Variants in NTRK3 observed in about 807,000 individuals in gnomAD.
NTRK3 encodes neurotrophic receptor tyrosine kinase 3, also known as NT-3 growth factor receptor.
In NTRK3, 24 loss-of-function variants were observed where a neutral mutation model predicts 91.7. The ratio of observed to expected loss-of-function variants is 0.26; its 90% CI spans 0.19 to 0.37. The LOEUF (loss-of-function observed/expected upper bound fraction) is 0.37, where lower values mean the gene tolerates loss of function less well. Among genes scored for constraint, NTRK3 ranks in the 10% least tolerant of loss-of-function variants. The pLI is 1.00. For synonymous variants in NTRK3, 483 were observed against 404.0 expected, an observed-to-expected ratio of 1.20 and a Z score of -2.34; for missense variants, 880 against 1,068.9, an observed-to-expected ratio of 0.82 and a Z score of 2.46.
chr15:88,122,838 CTTTT>C (rs770118821), intron 13 of NTRK3, among the ~76,000 whole-genome samples: 1 of 152,028 alleles, frequency 6.6e-6, no homozygotes, highest in African/African-American at 2.4e-5. Context: ...ATAAGCTGTA[CTTTT>C]TTTATTATTA....
intron 3 of NTRK3, among the ~76,000 whole-genome samples, chr15:88,247,475 T>C (rs1455900354): frequency 6.6e-6 from 1 of 152,248 alleles, no homozygotes; most frequent in Non-Finnish European, 1.5e-5. Context: ...TAATTTATGG[T>C]TCAAAGTCTT....
At chr15:88,107,463 G>A (rs8028655) in intron 13 of NTRK3, among the ~76,000 whole-genome samples, 93,266 of 152,008 alleles carry the variant, frequency 0.61, 29,856 homozygotes, top group African/African-American at 0.8. Flanking sequence ...TCTATGAAGT[G>A]CAAAATAAAG....
At chr15:88,059,419 C>T (rs954911075) in intron 13 of NTRK3, among the ~76,000 whole-genome samples, 1 of 152,144 alleles carries the variant, frequency 6.6e-6, no homozygotes, top group Non-Finnish European at 1.5e-5. Flanking sequence ...TGTTGCTCCT[C>T]TATCACCTAT....
chr15:88,133,927 T>C (rs910274201), intron 10 of NTRK3, among the ~76,000 whole-genome samples: 6 of 152,202 alleles, frequency 3.9e-5, no homozygotes, highest in African/African-American at 1.4e-4. Context: ...CCGACTTTAC[T>C]CTCAGGGCCT....
intron 13 of NTRK3, among the ~76,000 whole-genome samples, chr15:88,046,450 T>G (rs568511567): frequency 1.3e-5 from 2 of 152,096 alleles, no homozygotes; most frequent in East Asian, 3.9e-4. Context: ...AGATGACACA[T>G]AGGAAGAGCA....
In NTRK3 at chr15:88,240,026, A is replaced by G. The variant is rs556937659; in HGVS notation, c.248+15880T>C. ...TCACAGGGTCTGGTCTCCAGAACACACATATACACACACAGCGACACACAC... is the reference window on the plus strand; with the variant it reads ...TCACAGGGTCTGGTCTCCAGAACACGCATATACACACACAGCGACACACAC... On this transcript the variant is annotated intron_variant, in intron 3 of 18. Transcript: ENST00000394480. This position sits in a 1 kb window ranked among gnomAD's most constrained non-coding sequence, Gnocchi z 4.9. 6.6e-6 allele frequency among the ~76,000 whole-genome samples: 1 copy of G among 152,086 alleles called. No individual in the cohort carries two copies. The highest frequency in any genetic ancestry group is 1.5e-5 in the Non-Finnish European group (1 of 67,992).
chr15:88,123,967 C>T (rs2053013656), intron 13 of NTRK3, among the ~76,000 whole-genome samples: 1 of 152,180 alleles, frequency 6.6e-6, no homozygotes, highest in South Asian at 2.1e-4. Context: ...GTATGGCTCC[C>T]TGCTTCCCAT....
At chr15:88,137,435 A>G in exon 7 of NTRK3, 3 of 1,614,110 alleles carry the variant, frequency 1.9e-6, no homozygotes, top group Non-Finnish European at 2.5e-6. Flanking sequence ...GGAAGAGAGG[A>G]AGCTGGGAGC....
chr15:87,918,978 A>G (rs553250412), intron 17 of NTRK3, among the ~76,000 whole-genome samples: 1 of 152,320 alleles, frequency 6.6e-6, no homozygotes, highest in Non-Finnish European at 1.5e-5. Context: ...CCAGTCCAGG[A>G]AAAAAAGCAG....
intron 5 of NTRK3, among the ~76,000 whole-genome samples, chr15:88,171,065 G>T (rs1190070502): frequency 6.6e-6 from 1 of 152,162 alleles, no homozygotes; most frequent in African/African-American, 2.4e-5. Flanking sequence ...CCACATTAAA[G>T]AAATGCAGTT....
At chr15:87,871,544 G>T (rs1443696220) in exon 19 of NTRK3, 1 of 230,468 alleles carries the variant, frequency 4.3e-6, no homozygotes, top group Non-Finnish European at 8.6e-6. Flanking sequence ...CTCCTGTGTG[G>T]TCATCTATCA....
chr15:88,238,807 T>C lies in NTRK3; in HGVS notation c.248+17099A>G, dbSNP rs369452080. Reference sequence around the variant, plus strand: ...TTGATTCAAATGCCTCCTGATAACATTTCAGCTTGTTTCCAGTTGTTTTGC... The same window carrying C: ...TTGATTCAAATGCCTCCTGATAACACTTCAGCTTGTTTCCAGTTGTTTTGC... On this transcript the variant is annotated intron_variant, in intron 3 of 18. Coordinates refer to ENST00000394480, the Ensembl canonical transcript of NTRK3. Among the ~76,000 whole-genome samples, 7 of 152,232 alleles carry C rather than the reference T, an allele frequency of 4.6e-5. No individual in the cohort carries two copies. In the East Asian group the frequency reaches 9.6e-4, roughly 21 times the overall value.
At chr15:88,211,960 C>G (rs2049284724) in intron 3 of NTRK3, among the ~76,000 whole-genome samples, 1 of 152,198 alleles carries the variant, frequency 6.6e-6, no homozygotes, top group Non-Finnish European at 1.5e-5. Context: ...TCAATAAACC[C>G]AATTTTGTAG....
intron 14 of NTRK3, among the ~76,000 whole-genome samples, chr15:88,008,245 G>C (rs769006527): frequency 6.6e-6 from 1 of 152,082 alleles, no homozygotes; most frequent in Non-Finnish European, 1.5e-5. Context: ...AATGTTAGCT[G>C]GTAAATTTAA....
intron 14 of NTRK3, among the ~76,000 whole-genome samples, chr15:87,971,419 G>A (rs1029695802): frequency 6.6e-6 from 1 of 152,244 alleles, no homozygotes; most frequent in Non-Finnish European, 1.5e-5. Flanking sequence ...TCTCTGCCAT[G>A]TGAATTTTCT....
At chr15:88,204,472 CA>C (rs1444168379) in intron 3 of NTRK3, among the ~76,000 whole-genome samples, 1 of 152,168 alleles carries the variant, frequency 6.6e-6, no homozygotes, top group African/African-American at 2.4e-5. Flanking sequence ...CTCCTACAAT[CA>C]GCCATTTCTA....
At chr15:87,950,465 G>T (rs780875028) in intron 14 of NTRK3, among the ~76,000 whole-genome samples, 1 of 152,240 alleles carries the variant, frequency 6.6e-6, no homozygotes, top group African/African-American at 2.4e-5. Context: ...CAACAGACAC[G>T]AAGAAAAGAA....
intron 14 of NTRK3, among the ~76,000 whole-genome samples, chr15:87,970,630 G>T (rs1407697325): frequency 6.6e-6 from 1 of 152,188 alleles, no homozygotes; most frequent in Non-Finnish European, 1.5e-5. Context: ...AGGACTTCTT[G>T]GAGCCTTTGA....
intron 5 of NTRK3, among the ~76,000 whole-genome samples, chr15:88,167,806 C>A (rs564912467): frequency 6.6e-6 from 1 of 152,146 alleles, no homozygotes; most frequent in Admixed American, 6.5e-5. Flanking sequence ...AGGCTCTGGG[C>A]ACATCAATAA....
Sources: allele counts gnomAD v4.1 joint callset (sites outside exome capture counted in the v4.1 genomes callset), GRCh38; gene constraint gnomAD v4.1.1; non-coding constraint Gnocchi (gnomAD v3.1); transcripts MANE v1.5; gene names NCBI Gene and HGNC (gene_info 2026-07-23, HGNC 2026-07-21).